Variants in DMD observed in about 807,000 individuals in gnomAD.
DMD encodes mutant dystrophin.
DMD carries 63 observed loss-of-function variants against 330.1 expected under a neutral mutation model. That is an observed-to-expected ratio of 0.19 (90% confidence interval 0.16 to 0.24). The LOEUF is 0.24. DMD is among the 10% of genes least tolerant of loss of function. The pLI, the probability that DMD is intolerant of heterozygous loss-of-function variation, is 1.00. For missense variants in DMD, 3,344 were observed against 2,684.1 expected (o/e 1.25, Z -5.43); for synonymous variants, 1,223 against 959.8 (o/e 1.27, Z -5.07).
intron 2 of DMD, among the ~76,000 whole-genome samples, chrX:32,939,411 T>C (rs2146793771): frequency 9.0e-6 from 1 of 110,682 alleles, no homozygotes; most frequent in South Asian, 3.8e-4. Flanking sequence ...CAATAAAAAA[T>C]GATGATGTAG....
intron 44 of DMD, among the ~76,000 whole-genome samples, chrX:32,074,899 C>A (rs2096331366): frequency 9.0e-6 from 1 of 110,590 alleles, no homozygotes; most frequent in Admixed American, 9.7e-5. Context: ...ACAACGACAA[C>A]AACAAACCGA....
chrX:31,273,749 C>T (rs1015893784), intron 62 of DMD, among the ~76,000 whole-genome samples: 4 of 111,282 alleles, frequency 3.6e-5, no homozygotes, highest in African/African-American at 6.5e-5. Flanking sequence ...CTTCAGCAAG[C>T]GTAGCTGTGT....
chrX:31,550,518 C>A (rs1038884180), intron 55 of DMD, among the ~76,000 whole-genome samples: 2 of 111,891 alleles, frequency 1.8e-5, no homozygotes, highest in Admixed American at 1.9e-4. Context: ...CCTCTTTACT[C>A]GTTTAATTAT....
Position 31,483,204 on chromosome X carries a change from G to A in DMD, c.8548-4101C>T, listed in dbSNP as rs768351331. On this transcript the variant is annotated intron_variant, in intron 57 of 78. Transcript: ENST00000357033. ...TGGGACTACAGGCGCCCGCCACCAC[G>A]CCCAGCTAATTTTTTGTATTTTTAG... Among the ~76,000 whole-genome samples the A allele has an allele frequency of 7.9e-3, 858 of 108,109 alleles. 5 individuals are homozygous for A. Among genetic ancestry groups the A allele is most frequent in the Middle Eastern group, 0.024 (5 of 211 alleles). 93.9% of individuals were successfully genotyped at this position (108,109 alleles called of 115,157 possible).
At chrX:32,953,017 C>T (rs1157711906) in intron 2 of DMD, among the ~76,000 whole-genome samples, 1 of 108,585 alleles carries the variant, frequency 9.2e-6, no homozygotes, top group African/African-American at 3.4e-5. Context: ...TGCCTGTAAT[C>T]CCAGCTACTC....
intron 60 of DMD, among the ~76,000 whole-genome samples, chrX:31,433,452 C>T (rs914222488): frequency 7.7e-5 from 8 of 103,765 alleles, no homozygotes; most frequent in African/African-American, 1.1e-4. Context: ...TCTTTTTTTT[C>T]TTTCTTTCTT....
At chrX:31,579,212 T>G (rs926124731) in intron 55 of DMD, among the ~76,000 whole-genome samples, 1 of 112,375 alleles carries the variant, frequency 8.9e-6, no homozygotes, top group African/African-American at 3.2e-5. Context: ...TTCCAAGAAG[T>G]GTGATAAATC....
At chrX:32,342,062 T>C (rs894850103) in intron 41 of DMD, 38 bp downstream of exon 41, 38 of 1,178,221 alleles carry the variant, frequency 3.2e-5, no homozygotes, top group Non-Finnish European at 4.3e-5. Context: ...AGAGTAGTAG[T>C]TGCAAACACA....
intron 1 of DMD, among the ~76,000 whole-genome samples, chrX:33,102,319 T>G (rs994293834): frequency 1.8e-4 from 7 of 39,272 alleles, no homozygotes; most frequent in African/African-American, 5.3e-4. Context: ...TTTTTTTGTT[T>G]TTTTTTTTTT....
At chrX:31,845,036 ATATATATATGTATATGTGTG>A (rs1487781918) in intron 48 of DMD, among the ~76,000 whole-genome samples, 18 of 99,466 alleles carry the variant, frequency 1.8e-4, no homozygotes, top group South Asian at 4.5e-4. Context: ...ATACATATAT[ATATATATATGTATATGTGTG>A]TATATATATG....
intron 12 of DMD, among the ~76,000 whole-genome samples, chrX:32,606,704 T>C (rs997488789): frequency 4.4e-5 from 4 of 91,708 alleles, no homozygotes; most frequent in Admixed American, 1.3e-4. Context: ...TGCACATGTA[T>C]ATATGTGTGT....
chrX:32,217,361 T>A (rs955434277), intron 43 of DMD, among the ~76,000 whole-genome samples: 2 of 111,863 alleles, frequency 1.8e-5, no homozygotes, highest in Non-Finnish European at 1.9e-5. Context: ...TATTTTGGAC[T>A]ATTGGCATTT....
intron 9 of DMD, among the ~76,000 whole-genome samples, chrX:32,648,144 A>G (rs191059425): frequency 1.9e-4 from 21 of 112,149 alleles, no homozygotes; most frequent in African/African-American, 6.1e-4. Flanking sequence ...TAAAAGGTGT[A>G]TACTTATACT....
intron 26 of DMD, among the ~76,000 whole-genome samples, chrX:32,449,778 T>G (rs2098322674): frequency 1.8e-5 from 2 of 110,431 alleles, no homozygotes; most frequent in Admixed American, 1.9e-4. Context: ...CACTGTATCT[T>G]TAGTCTGTGT....
At chrX:31,408,784 A>C (rs1194248407) in intron 60 of DMD, among the ~76,000 whole-genome samples, 1 of 112,116 alleles carries the variant, frequency 8.9e-6, no homozygotes, top group Non-Finnish European at 1.9e-5. Context: ...GCTTTTACAA[A>C]AAATTTTATT....
chrX:32,197,885 A>T (rs984701295), intron 44 of DMD, among the ~76,000 whole-genome samples: 1 of 111,450 alleles, frequency 9.0e-6, no homozygotes, highest in Non-Finnish European at 1.9e-5. Context: ...AAAACATATT[A>T]TTATTAATTA....
chrX:31,557,930 G>A (rs62590906), intron 55 of DMD, among the ~76,000 whole-genome samples: 8,198 of 110,703 alleles, frequency 0.074, 338 homozygotes, highest in Admixed American at 0.18. Context: ...ATCCCCTCTA[G>A]CTGGCCTTAG....
intron 44 of DMD, among the ~76,000 whole-genome samples, chrX:32,038,161 G>A (rs1210691064): frequency 9.0e-6 from 1 of 111,465 alleles, no homozygotes; most frequent in Non-Finnish European, 1.9e-5. Context: ...ATCTAGGGAG[G>A]AATTCAGACA....
intron 1 of DMD, among the ~76,000 whole-genome samples, chrX:33,094,653 A>C (rs769747054): frequency 9.2e-4 from 101 of 110,297 alleles, no homozygotes; most frequent in Non-Finnish European, 1.5e-3. Flanking sequence ...CTAAAAATAC[A>C]AAAAATTAGC....
Sources: allele counts gnomAD v4.1 joint callset (sites outside exome capture counted in the v4.1 genomes callset), GRCh38; gene constraint gnomAD v4.1.1; transcripts MANE v1.5; gene names NCBI Gene and HGNC (gene_info 2026-07-23, HGNC 2026-07-21).